The following ADAMTS12 variants were observed in gnomAD, a reference collection of about 807,000 sequenced individuals.
ADAMTS12 encodes the protein ADAM metallopeptidase with thrombospondin type 1 motif 12.
A neutral mutation model predicts 167.8 loss-of-function variants in ADAMTS12; 118 were observed. The observed-to-expected ratio is 0.70, with a 90% confidence interval of 0.61 to 0.82. The LOEUF (loss-of-function observed/expected upper bound fraction) is 0.82. Ranked by LOEUF, ADAMTS12 falls within the 40% of genes least tolerant of loss-of-function variation. The pLI, the probability that ADAMTS12 is intolerant of heterozygous loss-of-function variation, is 0.00. For synonymous variants in ADAMTS12, 704 were observed against 716.9 expected (o/e 0.98, Z 0.29); for missense variants, 1,916 against 1,998.8 (o/e 0.96, Z 0.79).
intron 16 of ADAMTS12, among the ~76,000 whole-genome samples, chr5:33,598,076 C>T (rs1200348477): frequency 6.6e-6 from 1 of 152,158 alleles, no homozygotes; most frequent in African/African-American, 2.4e-5. Flanking sequence ...TCCACTGCAC[C>T]AGCTGGGAGA....
chr5:33,544,637 C>A (rs1473989454), intron 22 of ADAMTS12, among the ~76,000 whole-genome samples: 1 of 152,174 alleles, frequency 6.6e-6, no homozygotes, highest in Non-Finnish European at 1.5e-5. Context: ...GTAACCAAAA[C>A]AGCATGGTAC....
chr5:33,539,147 G>A (rs148924869), intron 22 of ADAMTS12, among the ~76,000 whole-genome samples: 2,406 of 152,124 alleles, frequency 0.016, 62 homozygotes, highest in African/African-American at 0.055. Context: ...TCACCCTGTT[G>A]GCCAGGCTGG....
intron 3 of ADAMTS12, among the ~76,000 whole-genome samples, chr5:33,706,896 G>A (rs1338181721): frequency 6.6e-6 from 1 of 152,122 alleles, no homozygotes; most frequent in African/African-American, 2.4e-5. Flanking sequence ...ACTGGAACAA[G>A]ACAAGTATGC....
At chr5:33,846,430 C>T (rs1396986870) in intron 2 of ADAMTS12, among the ~76,000 whole-genome samples, 5 of 152,194 alleles carry the variant, frequency 3.3e-5, no homozygotes. Context: ...TGTAATAGCC[C>T]CCAAAGCCAG....
intron 13 of ADAMTS12, among the ~76,000 whole-genome samples, chr5:33,626,421 G>C (rs1388494807): frequency 2.0e-5 from 3 of 150,402 alleles, no homozygotes; most frequent in African/African-American, 4.9e-5. Context: ...TGGTGATAGT[G>C]GTGATGTGGT....
intron 5 of ADAMTS12, among the ~76,000 whole-genome samples, chr5:33,676,705 CACAG>C (rs1376663780): frequency 6.7e-6 from 1 of 149,452 alleles, no homozygotes; most frequent in Non-Finnish European, 1.5e-5. Flanking sequence ...CACACACACA[CACAG>C]AGAGAGAGAG....
chr5:33,833,608 T>C lies in ADAMTS12; in HGVS notation c.489+47511A>G, dbSNP rs77975389. Among the ~76,000 whole-genome samples, 451 of 152,224 alleles carry C rather than the reference T, an allele frequency of 3.0e-3. 2 individuals are homozygous for C. Among genetic ancestry groups the C allele is most frequent in the African/African-American group, 0.01 (425 of 41,530 alleles). On this transcript the variant is annotated intron_variant, in intron 2 of 23. Coordinates refer to ENST00000504830, the MANE Select transcript of ADAMTS12 (RefSeq NM_030955.4). ...TTGACTGTATCTGTTAGAAATTAAGTACCTTACAATGGAGAGTAGATTCAA... is the reference window on the plus strand; with the variant it reads ...TTGACTGTATCTGTTAGAAATTAAGCACCTTACAATGGAGAGTAGATTCAA...
chr5:33,810,001 A>C (rs941459889), intron 2 of ADAMTS12, among the ~76,000 whole-genome samples: 1 of 137,842 alleles, frequency 7.3e-6, no homozygotes, highest in African/African-American at 3.1e-5. Flanking sequence ...AAAAAAAAAA[A>C]CAGATTAGAA....
chr5:33,641,687 TG>T, intron 11 of ADAMTS12, 122 bp downstream of exon 11: 1 of 990,148 alleles, frequency 1.0e-6, no homozygotes, highest in Non-Finnish European at 1.4e-6. Flanking sequence ...TGTTTTGTCC[TG>T]GGAACCCATT....
chr5:33,578,831 G>A (rs1746897063), intron 18 of ADAMTS12, among the ~76,000 whole-genome samples: 1 of 152,210 alleles, frequency 6.6e-6, no homozygotes, highest in Non-Finnish European at 1.5e-5. Flanking sequence ...TACAGCTGAA[G>A]GAGTGTCGAA....
chr5:33,638,722 T>C (rs1382910653), intron 11 of ADAMTS12, among the ~76,000 whole-genome samples: 1 of 152,218 alleles, frequency 6.6e-6, no homozygotes, highest in South Asian at 2.1e-4. Context: ...AAGCTCTGTG[T>C]CCTCTGTGGT....
intron 2 of ADAMTS12, among the ~76,000 whole-genome samples, chr5:33,875,318 C>T (rs1424595647): frequency 6.6e-6 from 1 of 151,952 alleles, no homozygotes; most frequent in African/African-American, 2.4e-5. Flanking sequence ...CTAATGTAAA[C>T]AATAAACTTT....
chr5:33,534,090 C>A (rs1744252530), intron 23 of ADAMTS12, among the ~76,000 whole-genome samples: 1 of 152,124 alleles, frequency 6.6e-6, no homozygotes. Context: ...CTGAACCTAC[C>A]CAACCTATAG....
At chr5:33,725,837 G>A (rs1743962930) in intron 3 of ADAMTS12, among the ~76,000 whole-genome samples, 4 of 152,154 alleles carry the variant, frequency 2.6e-5, no homozygotes, top group Admixed American at 2.6e-4. Flanking sequence ...CAAATTCTTG[G>A]GTTCCACTCA....
At position 33,643,443 on chromosome 5, in the gene ADAMTS12, C is replaced by G; in HGVS notation, c.1507G>C (p.Val503Leu). ...ENVCQTLWCSVKGFCRSKLDA... is the reference protein window; with the variant it reads ...ENVCQTLWCSLKGFCRSKLDA... ...AGCTTAGAGCGACAAAAGCCCTTCA[C>G]GGAGCACCACAGTGTCTGGCAGACG... Residue 503 changes from valine (V) to leucine (L), a missense_variant, in exon 10 of 24, where the codon GTG becomes CTG. By Grantham distance (32) the Val-to-Leu change is conservative. Transcript: ENST00000504830. 2 of 1,614,138 alleles carry G rather than the reference C, an allele frequency of 1.2e-6. 1 individual carries two copies. The highest frequency in any genetic ancestry group is 2.2e-5 in the South Asian group (2 of 91,086).
chr5:33,750,172 A>C (rs182590775), intron 3 of ADAMTS12, among the ~76,000 whole-genome samples: 29 of 152,376 alleles, frequency 1.9e-4, no homozygotes, highest in African/African-American at 5.8e-4. Flanking sequence ...AATCAGCTAC[A>C]TGATATATTT....
intron 13 of ADAMTS12, among the ~76,000 whole-genome samples, chr5:33,624,608 A>G (rs867464417): frequency 1.3e-5 from 2 of 152,320 alleles, no homozygotes; most frequent in South Asian, 4.1e-4. Flanking sequence ...GGCAGAACTG[A>G]ACAAAATCTA....
intron 2 of ADAMTS12, among the ~76,000 whole-genome samples, chr5:33,844,302 C>T (rs553387435): frequency 3.3e-5 from 5 of 152,276 alleles, no homozygotes; most frequent in South Asian, 2.1e-4. Context: ...CTCTGACTGC[C>T]GGTGAGCCAG....
At chr5:33,760,991 A>G (rs1745336606) in intron 2 of ADAMTS12, among the ~76,000 whole-genome samples, 2 of 152,110 alleles carry the variant, frequency 1.3e-5, no homozygotes, top group Admixed American at 6.5e-5. Flanking sequence ...AAAATGTCCG[A>G]CTAAAAGGAA....
Sources: allele counts gnomAD v4.1 joint callset (sites outside exome capture counted in the v4.1 genomes callset), GRCh38; gene constraint gnomAD v4.1.1; transcripts MANE v1.5; gene names NCBI Gene and HGNC (gene_info 2026-07-23, HGNC 2026-07-21).